Variants in STX4 observed in about 807,000 individuals in gnomAD.
STX4 encodes syntaxin-4.
In STX4, 24 loss-of-function variants were observed where a neutral mutation model predicts 41.8. The observed-to-expected ratio is 0.57, with a 90% confidence interval of 0.42 to 0.81. The LOEUF (loss-of-function observed/expected upper bound fraction) is 0.81. Among genes scored for constraint, STX4 ranks in the 30% least tolerant of loss-of-function variants. The pLI is 0.00. For missense variants in STX4, 316 were observed against 389.9 expected, an observed-to-expected ratio of 0.81 and a Z score of 1.60; for synonymous variants, 158 against 156.4, an observed-to-expected ratio of 1.01 and a Z score of -0.08.
chr16:31,034,367 G>A (rs773455995), intron 3 of STX4, 42 bp downstream of exon 3: 3 of 1,612,634 alleles, frequency 1.9e-6, no homozygotes, highest in Admixed American at 3.3e-5. Flanking sequence ...TCCGCCCCAG[G>A]GATTGTGGGG....
At position 31,039,113 on chromosome 16, in the gene STX4, A is replaced by T. The variant is rs986658080; in HGVS notation, c.703-428A>T. On this transcript the variant is annotated intron_variant, in intron 8 of 10. Transcript: ENST00000313843. This position sits in a 1 kb window ranked among gnomAD's most constrained non-coding sequence, Gnocchi z 4.1. The stretch of plus-strand genomic sequence containing the variant: ...TACAGCCAATGCCCTTTTGCAGCTG[A>T]GACTTACAGGAAAGAGATCTCATTC... The T allele has an allele frequency of 8.6e-6, 2 of 231,350 alleles. No individual in the cohort carries two copies. The highest frequency in any genetic ancestry group is 1.7e-5 in the Non-Finnish European group (2 of 115,594). 14.3% of individuals were successfully genotyped at this position (231,350 alleles called of 1,614,324 possible). A position where few individuals can be genotyped will look rare whatever the true frequency, so the allele number is the denominator to read the frequency against.
chr16:31,033,339 G>A (rs922002946), upstream of STX4: 13 of 791,598 alleles, frequency 1.6e-5, no homozygotes, highest in South Asian at 1.8e-4. The surrounding 1 kb of genome is among the most constrained non-coding windows in gnomAD (Gnocchi z 5.5). Context: ...TGAGATGCGG[G>A]TGTCTCGGAT....
At chr16:31,037,054 A>ACC (rs35642358) in intron 5 of STX4, among the ~76,000 whole-genome samples, 35,932 of 100,558 alleles carry the variant, frequency 0.36, 7,938 homozygotes, top group East Asian at 0.77. Context: ...ATATAGTGAG[A>ACC]CCCCCCCCCC....
intron 3 of STX4, 48 bp from the exon 4 acceptor site, chr16:31,034,414 G>A: frequency 6.2e-7 from 1 of 1,603,296 alleles, no homozygotes; most frequent in Non-Finnish European, 8.5e-7. Context: ...AGAGTGGTTT[G>A]TTGAGGTGGG....
chr16:31,034,256 CTG>C lies in STX4; in HGVS notation c.164_165del (p.Leu55ArgfsTer3). On this transcript the variant is annotated frameshift_variant, in exon 3 of 11. Transcript: ENST00000313843. LOFTEE classifies it high-confidence loss of function. ...GACAATTCGGCAGACTATTGTCAAACTGGGGAATAAAGTCCAGGAGTTGGAGA... is the reference window on the plus strand; with the variant it reads ...GACAATTCGGCAGACTATTGTCAAACGGGAATAAAGTCCAGGAGTTGGAGA... ...VRTIRQTIVK[L>X]GNKVQELEKQ... The C allele has an allele frequency of 6.2e-7, 1 of 1,614,192 alleles. No homozygotes were observed. Among genetic ancestry groups the C allele is most frequent in the Non-Finnish European group, 8.5e-7 (1 of 1,180,040 alleles).
At chr16:31,034,676 C>T in intron 4 of STX4, 140 bp downstream of exon 4, 1 of 981,676 alleles carries the variant, frequency 1.0e-6, no homozygotes, top group Non-Finnish European at 1.5e-6. Flanking sequence ...TGTCTCCTGG[C>T]CTCCAGGCCA....
intron 5 of STX4, 36 bp downstream of exon 5, chr16:31,035,076 C>G (rs2056789787): frequency 6.5e-7 from 1 of 1,538,900 alleles, no homozygotes; most frequent in Non-Finnish European, 8.9e-7. Flanking sequence ...GACATTTCAG[C>G]AAATGTTTCA....
In STX4 at chr16:31,038,132, C is replaced by T; in HGVS notation, c.506C>T (p.Ser169Phe). Residue 169 changes from serine to phenylalanine, a missense_variant, in exon 7 of 11, where the codon TCT (serine) becomes TTT (phenylalanine). Coordinates refer to ENST00000313843, the MANE Select transcript of STX4 (RefSeq NM_004604.5). ...TTCACAGCCAATGCTGGGATGGTGT[C>T]TGATGAGGAGTTGGAGCAGATGCTG... ...QLKITNAGMV[S>F]DEELEQMLDS... The T allele has an allele frequency of 6.2e-7, 1 of 1,614,128 alleles. No homozygotes were observed. Among genetic ancestry groups the T allele is most frequent in the East Asian group, 2.2e-5 (1 of 44,886 alleles).
In STX4 at chr16:31,033,592, G is replaced by C; in HGVS notation, c.-214G>C. The stretch of plus-strand genomic sequence containing the variant: ...GCGGGAGCTGGAGCGGGGAAGAAAA[G>C]GGAATTCCAACCTGTGGAACCTTGG... On this transcript the variant is annotated 5_prime_UTR_variant, in exon 1 of 11. Coordinates refer to ENST00000313843, the MANE Select transcript of STX4 (RefSeq NM_004604.5). The surrounding 1 kb of genome is among the most constrained non-coding windows in gnomAD (Gnocchi z 5.5). 5.9e-6 allele frequency: 9 copies of C among 1,525,804 alleles called. No homozygotes were observed. The highest frequency in any genetic ancestry group is 7.0e-6 in the Non-Finnish European group (8 of 1,134,832). 94.5% of individuals were successfully genotyped at this position (1,525,804 alleles called of 1,614,324 possible).
rs936271191 is a variant in STX4 at position 31,033,694 on chromosome 16, G to C, written c.-112G>C. On this transcript the variant is annotated 5_prime_UTR_variant, in exon 1 of 11. Transcript: ENST00000313843. The surrounding 1 kb of genome is among the most constrained non-coding windows in gnomAD (Gnocchi z 5.5). ...GGAGCCTCTGGCGGCTCGTGGGGGTGTTGGGGTCCGCAGGGGGAGGGAGGG... is the reference window on the plus strand; with the variant it reads ...GGAGCCTCTGGCGGCTCGTGGGGGTCTTGGGGTCCGCAGGGGGAGGGAGGG... The C allele has an allele frequency of 6.2e-6, 9 of 1,446,438 alleles. No individual in the cohort carries two copies. The African/African-American group carries it at 1.1e-4, about 18-fold the overall frequency. 89.6% of individuals were successfully genotyped at this position (1,446,438 alleles called of 1,614,324 possible). A position where few individuals can be genotyped will look rare whatever the true frequency, so the allele number is the denominator to read the frequency against.
At chr16:31,033,186 CG>C, upstream of STX4, 1 of 599,768 alleles carries the variant, frequency 1.7e-6, no homozygotes, top group Admixed American at 2.2e-5. This position sits in a 1 kb window ranked among gnomAD's most constrained non-coding sequence, Gnocchi z 5.5. Context: ...GTTGGGGTGC[CG>C]GGGACGTCGT....
In STX4 at chr16:31,034,004, G is replaced by T. The variant is rs776228981; in HGVS notation, c.31-9G>T. 7.0e-6 allele frequency: 11 copies of T among 1,582,634 alleles called. No individual in the cohort carries two copies. In the South Asian group the frequency reaches 1.3e-4, roughly 18 times the overall value. Reference sequence around the variant, plus strand: ...GAAACGGTGGTGCCAATGACTCCGGGCCTGGCAGGGGGATGACAGCTCGGA... The same window carrying T: ...GAAACGGTGGTGCCAATGACTCCGGTCCTGGCAGGGGGATGACAGCTCGGA... On this transcript the variant is annotated splice_polypyrimidine_tract_variant and intron_variant, in intron 1 of 10. Coordinates refer to ENST00000313843, the MANE Select transcript of STX4 (RefSeq NM_004604.5).
At chr16:31,035,408 G>A (rs2056792441) in intron 5 of STX4, among the ~76,000 whole-genome samples, 2 of 152,260 alleles carry the variant, frequency 1.3e-5, no homozygotes, top group South Asian at 4.1e-4. Context: ...TGTAGTTTTA[G>A]TAGAGACTGG....
chr16:31,034,869 C>A (rs549116213), intron 4 of STX4, 101 bp from the exon 5 acceptor site: 3 of 1,093,828 alleles, frequency 2.7e-6, no homozygotes, highest in South Asian at 1.8e-5. Flanking sequence ...AACTTACTTT[C>A]TCCTCTTAGA....
At position 31,033,774 on chromosome 16, in the gene STX4, T is replaced by C. The variant is rs2143712842; in HGVS notation, c.-32T>C. The C allele has an allele frequency of 6.9e-7, 1 of 1,451,080 alleles. No homozygotes were observed. The highest frequency in any genetic ancestry group is 1.5e-5 in the South Asian group (1 of 67,148). 89.9% of individuals were successfully genotyped at this position (1,451,080 alleles called of 1,614,324 possible). On this transcript the variant is annotated 5_prime_UTR_variant, in exon 1 of 11. Coordinates refer to ENST00000313843, the MANE Select transcript of STX4 (RefSeq NM_004604.5). This position sits in a 1 kb window ranked among gnomAD's most constrained non-coding sequence, Gnocchi z 5.5. ...ATTCCAAATTTGAGGGCCTCCCGGC[T>C]CTGGCGCCGGGGAGGGAGAGCTCAG...
chr16:31,039,352 G>C lies in STX4; in HGVS notation c.703-189G>C, dbSNP rs2056826543. 1.7e-6 allele frequency: 1 copy of C among 590,786 alleles called. No individual in the cohort carries two copies. The allele number at this position is 590,786 out of a possible 1,614,324, so 36.6% of individuals were successfully genotyped here. ...GGTTGTATGGGATAAGTGAGCAGGG[G>C]ACAAGGGACTACATGATAGAAGGGG... is the stretch of plus-strand genomic sequence containing the variant. On this transcript the variant is annotated intron_variant, in intron 8 of 10. Coordinates refer to ENST00000313843, the MANE Select transcript of STX4 (RefSeq NM_004604.5). This position sits in a 1 kb window ranked among gnomAD's most constrained non-coding sequence, Gnocchi z 4.1.
At position 31,033,914 on chromosome 16, in the gene STX4, G is replaced by T. The variant is rs2056776164; in HGVS notation, c.30+79G>T. 6.9e-7 allele frequency: 1 copy of T among 1,457,184 alleles called. No individual in the cohort carries two copies. The highest frequency in any genetic ancestry group is 9.1e-7 in the Non-Finnish European group (1 of 1,100,650). 90.3% of individuals were successfully genotyped at this position (1,457,184 alleles called of 1,614,324 possible). The stretch of plus-strand genomic sequence containing the variant: ...ACTTCTGGTCTTCGGGATAGGGAGG[G>T]GTGGCTGATGGCCAGGAAGGAAAGT... On this transcript the variant is annotated intron_variant, in intron 1 of 10. Transcript: ENST00000313843. The surrounding 1 kb of genome is among the most constrained non-coding windows in gnomAD (Gnocchi z 5.5).
Position 31,039,862 on chromosome 16 carries a change from C to CCCAGCCCTCCCT in STX4, c.*15+47_*16-36dup. 3 of 1,578,892 alleles carry CCCAGCCCTCCCT rather than the reference C, an allele frequency of 1.9e-6. No homozygotes were observed. The highest frequency in any genetic ancestry group is 2.6e-6 in the Non-Finnish European group (3 of 1,148,970). On this transcript the variant is annotated intron_variant, in intron 10 of 10. Coordinates refer to ENST00000313843, the MANE Select transcript of STX4 (RefSeq NM_004604.5). This position sits in a 1 kb window ranked among gnomAD's most constrained non-coding sequence, Gnocchi z 4.1. ...CCCCCTGGCCTGCCCCAGCCCTGGC[C>CCCAGCCCTCCCT]CCAGCCCTCCCTCCTCCCTCAGACC...
chr16:31,038,249 C>T (rs1040044910), intron 7 of STX4, 59 bp downstream of exon 7: 39 of 1,596,554 alleles, frequency 2.4e-5, no homozygotes, highest in African/African-American at 1.6e-4. Flanking sequence ...GAGTCCTGTC[C>T]GTTTCTCGAC....
Sources: gnomAD v4.1 joint callset for allele counts (sites outside exome capture counted in the v4.1 genomes callset) on GRCh38, gnomAD v4.1.1 for gene constraint, Gnocchi (gnomAD v3.1) non-coding constraint, MANE v1.5 for transcripts, NCBI Gene and HGNC (gene_info 2026-07-23, HGNC 2026-07-21) for gene names.